Variants in PADI6 observed in about 807,000 individuals in gnomAD.
PADI6 encodes inactive protein-arginine deiminase type-6.
Under a neutral mutation model 78.2 loss-of-function variants are expected in PADI6, and 66 were observed. That is an observed-to-expected ratio of 0.84 (90% CI 0.69 to 1.04). The LOEUF (loss-of-function observed/expected upper bound fraction) is 1.04, where lower values mean the gene tolerates loss of function less well. Ranked by LOEUF, PADI6 falls within the 50% of genes least tolerant of loss-of-function variation. The pLI is 0.00. For synonymous variants in PADI6, 397 were observed against 346.9 expected (o/e 1.14, Z -1.60); for missense variants, 854 against 866.1 (o/e 0.99, Z 0.18).
chr1:17,392,513 G>A (rs1470402936), intron 9 of PADI6, among the ~76,000 whole-genome samples: 3 of 152,198 alleles, frequency 2.0e-5, no homozygotes, highest in Non-Finnish European at 4.4e-5. Context: ...CTTTGGCTAA[G>A]GCTGTGAGAG....
At chr1:17,394,511 T>G in intron 11 of PADI6, 57 bp downstream of exon 11, 1 of 1,553,046 alleles carries the variant, frequency 6.4e-7, no homozygotes, top group Non-Finnish European at 8.7e-7. Flanking sequence ...GTCGTTCCCC[T>G]GGCCCCGCCT....
intron 5 of PADI6, among the ~76,000 whole-genome samples, chr1:17,381,369 T>C (rs1013696843): frequency 2.6e-5 from 4 of 152,128 alleles, no homozygotes; most frequent in African/African-American, 4.8e-5. Context: ...GCAAAGAGCA[T>C]GGGTGGTTAC....
intron 9 of PADI6, among the ~76,000 whole-genome samples, chr1:17,393,665 C>T (rs6687881): frequency 0.6 from 90,882 of 151,204 alleles, 27,521 homozygotes; most frequent in South Asian, 0.67. Flanking sequence ...TTTAAGTAGA[C>T]TGTCTCACCA....
chr1:17,382,882 C>A (rs1200999779), intron 6 of PADI6, among the ~76,000 whole-genome samples: 1 of 152,170 alleles, frequency 6.6e-6, no homozygotes, highest in African/African-American at 2.4e-5. Flanking sequence ...ACTCAGCTTC[C>A]TGGACTCAAG....
At chr1:17,374,503 G>A (rs2100284634) in intron 2 of PADI6, among the ~76,000 whole-genome samples, 1 of 152,302 alleles carries the variant, frequency 6.6e-6, no homozygotes, top group East Asian at 1.9e-4. Flanking sequence ...GCAGGTGCCT[G>A]TAATCTCAGG....
chr1:17,392,327 C>A (rs556223000), intron 9 of PADI6, 102 bp downstream of exon 9: 3 of 873,750 alleles, frequency 3.4e-6, no homozygotes, highest in Non-Finnish European at 5.3e-6. Context: ...CCTTAAAGAC[C>A]GAAGCCTTGA....
At position 17,398,676 on chromosome 1, in the gene PADI6, C is replaced by A. The variant is rs2075271740; in HGVS notation, c.1690-10C>A. The stretch of plus-strand genomic sequence containing the variant: ...CCCGCCCCCCCCCCCACCCACCCAC[C>A]CACCCACAGAAGTGCATTCACCTGA... On this transcript the variant is annotated splice_polypyrimidine_tract_variant and intron_variant, in intron 14 of 15. Transcript: ENST00000619609. The A allele has an allele frequency of 2.8e-6, 1 of 354,586 alleles. No homozygotes were observed. The highest frequency in any genetic ancestry group is 4.8e-6 in the Non-Finnish European group (1 of 209,330). The allele number at this position is 354,586 out of a possible 1,614,324, so 22.0% of individuals were successfully genotyped here. A position where few individuals can be genotyped will look rare whatever the true frequency, so the allele number is the denominator to read the frequency against.
At chr1:17,392,577 G>T (rs543049288) in intron 9 of PADI6, among the ~76,000 whole-genome samples, 5 of 152,336 alleles carry the variant, frequency 3.3e-5, no homozygotes, top group East Asian at 1.9e-4. Context: ...CAAGTCTAGA[G>T]CCCCGGTCAG....
At chr1:17,382,639 A>C (rs2075084146) in intron 6 of PADI6, among the ~76,000 whole-genome samples, 1 of 152,026 alleles carries the variant, frequency 6.6e-6, no homozygotes, top group Non-Finnish European at 1.5e-5. Context: ...GCTGGTTAGG[A>C]GGTACACATG....
chr1:17,386,235 G>GT (rs1340009593), intron 6 of PADI6, among the ~76,000 whole-genome samples: 1 of 152,210 alleles, frequency 6.6e-6, no homozygotes, highest in African/African-American at 2.4e-5. Flanking sequence ...TCCTGAGGAT[G>GT]TGAGCCCATG....
At chr1:17,400,778 T>C (rs1470185210) in intron 15 of PADI6, among the ~76,000 whole-genome samples, 1 of 152,156 alleles carries the variant, frequency 6.6e-6, no homozygotes, top group East Asian at 1.9e-4. Context: ...GCTCCAATTG[T>C]ACATGGGTGT....
At chr1:17,372,389 TGGCA>T in intron 1 of PADI6, 28 bp downstream of exon 1, 2 of 1,605,634 alleles carry the variant, frequency 1.2e-6, no homozygotes, top group Admixed American at 1.7e-5. Flanking sequence ...CTGCCAGAGG[TGGCA>T]GGCAGACAGG....
At chr1:17,378,833 G>C (rs1164656485) in intron 3 of PADI6, among the ~76,000 whole-genome samples, 1 of 152,112 alleles carries the variant, frequency 6.6e-6, no homozygotes, top group Non-Finnish European at 1.5e-5. Flanking sequence ...TTGAACTCCT[G>C]ACCTCAGGTG....
At chr1:17,377,145 T>A (rs2100289413) in intron 3 of PADI6, among the ~76,000 whole-genome samples, 1 of 147,498 alleles carries the variant, frequency 6.8e-6, no homozygotes, top group Middle Eastern at 3.4e-3. Flanking sequence ...CAGCTGACTT[T>A]ATTTTTTTAT....
intron 6 of PADI6, among the ~76,000 whole-genome samples, chr1:17,383,039 T>TC (rs1450647576): frequency 1.3e-5 from 2 of 152,226 alleles, no homozygotes; most frequent in African/African-American, 4.8e-5. Flanking sequence ...TGCCTTGGCT[T>TC]CCCAAAGTGC....
rs1570124699 is a variant in PADI6, at chr1:17,377,768, G to C, written c.368-2152G>C. ...GCTCGAGCCCCCATCCTCTCACCTGGGTCACAGCCCAGACCTCCCAGTGGG... is the reference window on the plus strand; with the variant it reads ...GCTCGAGCCCCCATCCTCTCACCTGCGTCACAGCCCAGACCTCCCAGTGGG... On this transcript the variant is annotated intron_variant, in intron 3 of 15. Coordinates refer to ENST00000619609, the MANE Select transcript of PADI6 (RefSeq NM_207421.4). 2.0e-5 allele frequency among the ~76,000 whole-genome samples: 3 copies of C among 152,070 alleles called. No individual in the cohort carries two copies. In the South Asian group the frequency reaches 6.2e-4, roughly 32 times the overall value.
chr1:17,391,260 C>A (rs1484455320), intron 8 of PADI6, among the ~76,000 whole-genome samples: 1 of 152,150 alleles, frequency 6.6e-6, no homozygotes, highest in Non-Finnish European at 1.5e-5. Flanking sequence ...CGCTCCGTTG[C>A]CCAGACTGGA....
rs201197806 is a variant in PADI6 at position 17,395,614 on chromosome 1, C to T, written c.1569C>T (p.Gly523=). The change falls in exon 13 of 16, where the codon GGC becomes GGT. Residue 523 remains glycine, a synonymous_variant. Transcript: ENST00000619609. The part of the protein sequence containing the change: ...LFREKQKEGY[G]DALLFDELRA... ...GAGAGAAACAGAAGGAAGGCTATGG[C>T]GACGCTCTTCTGTTTGATGAGCTTA... 251 of 1,606,496 alleles carry T rather than the reference C, an allele frequency of 1.6e-4. No individual in the cohort carries two copies. The Admixed American group carries it at 3.1e-3, about 20-fold the overall frequency.
chr1:17,392,336 G>GA, intron 9 of PADI6, 111 bp downstream of exon 9: 1 of 773,870 alleles, frequency 1.3e-6, no homozygotes, highest in South Asian at 1.8e-5. Context: ...CCGAAGCCTT[G>GA]ATAGGGGCGG....
Sources: gnomAD v4.1 joint callset for allele counts (sites outside exome capture counted in the v4.1 genomes callset) on GRCh38, gnomAD v4.1.1 for gene constraint, MANE v1.5 for transcripts, NCBI Gene and HGNC (gene_info 2026-07-23, HGNC 2026-07-21) for gene names.